Variants in SPOCK3 observed in about 807,000 individuals in gnomAD.
SPOCK3 encodes testican-3.
In SPOCK3, 30 loss-of-function variants were observed where a neutral mutation model predicts 56.6. The ratio of observed to expected loss-of-function variants is 0.53; its 90% CI spans 0.40 to 0.72. The LOEUF is 0.72. Ranked by LOEUF, SPOCK3 falls within the 30% of genes least tolerant of loss-of-function variation. SPOCK3 has a pLI of 0.00. For missense variants in SPOCK3, 527 were observed against 530.0 expected, an observed-to-expected ratio of 0.99 and a Z score of 0.06; for synonymous variants, 196 against 183.3, an observed-to-expected ratio of 1.07 and a Z score of -0.56.
intron 7 of SPOCK3, among the ~76,000 whole-genome samples, chr4:166,767,453 AGTCATTC>A (rs1299896186): frequency 1.3e-5 from 2 of 152,254 alleles, no homozygotes; most frequent in Non-Finnish European, 2.9e-5. Context: ...TGTACCCAGT[AGTCATTC>A]AGGAGCAGGT....
chr4:166,862,777 A>G (rs1280540946), intron 6 of SPOCK3, among the ~76,000 whole-genome samples: 2 of 152,086 alleles, frequency 1.3e-5, no homozygotes, highest in Non-Finnish European at 2.9e-5. Context: ...TTCAACAAGC[A>G]TTTACTATTT....
chr4:166,966,960 C>T (rs1158808962), intron 4 of SPOCK3, among the ~76,000 whole-genome samples: 1 of 152,068 alleles, frequency 6.6e-6, no homozygotes, highest in Non-Finnish European at 1.5e-5. Context: ...CATTGAAACT[C>T]TTATACCTAC....
chr4:167,076,996 G>T (rs770056177), intron 2 of SPOCK3, among the ~76,000 whole-genome samples: 2 of 151,850 alleles, frequency 1.3e-5, no homozygotes, highest in Admixed American at 6.6e-5. Flanking sequence ...TGAGACTTAT[G>T]TGTAAAACTA....
intron 4 of SPOCK3, among the ~76,000 whole-genome samples, chr4:166,949,521 G>T (rs1186968795): frequency 6.6e-6 from 1 of 152,102 alleles, no homozygotes; most frequent in Admixed American, 6.5e-5. Flanking sequence ...GGTTTTTAGT[G>T]TGGATGTCCT....
At chr4:167,134,338 T>C (rs896486416) in intron 2 of SPOCK3, among the ~76,000 whole-genome samples, 1 of 152,028 alleles carries the variant, frequency 6.6e-6, no homozygotes, top group Non-Finnish European at 1.5e-5. Context: ...TGGCGCTTGA[T>C]GACTTGTACA....
intron 4 of SPOCK3, among the ~76,000 whole-genome samples, chr4:166,965,658 C>T (rs1367673663): frequency 6.6e-6 from 1 of 151,782 alleles, no homozygotes; most frequent in Non-Finnish European, 1.5e-5. Context: ...AAAATTATTG[C>T]CATTAATCAA....
intron 7 of SPOCK3, among the ~76,000 whole-genome samples, chr4:166,770,870 AATT>A (rs1738847000): frequency 6.6e-6 from 1 of 151,990 alleles, no homozygotes; most frequent in African/African-American, 2.4e-5. Flanking sequence ...ACGTAAGACA[AATT>A]AGACACCAGA....
chr4:167,064,143 GT>G (rs1209501004), intron 2 of SPOCK3, among the ~76,000 whole-genome samples: 3 of 151,690 alleles, frequency 2.0e-5, no homozygotes, highest in African/African-American at 7.2e-5. Flanking sequence ...AGTTTCAGAA[GT>G]TTTTTTAATG....
At chr4:166,780,571 C>G (rs1484416431) in intron 7 of SPOCK3, among the ~76,000 whole-genome samples, 1 of 152,036 alleles carries the variant, frequency 6.6e-6, no homozygotes, top group Non-Finnish European at 1.5e-5. Context: ...CTGTCACTCT[C>G]TAGATATAGG....
rs769542994 is a variant in SPOCK3 at position 166,912,686 on chromosome 4, G to A, written c.408C>T (p.Cys136=). 13 of 1,613,378 alleles carry A rather than the reference G, an allele frequency of 8.1e-6. No individual in the cohort carries two copies. The East Asian group carries it at 2.7e-4, about 33-fold the overall frequency. ...RQWRGPILST[C]KQCPVVYPSP... is the part of the protein sequence containing the mutation. ...TGGGATAGACCACTGGGCACTGCTT[G>A]CAGGTGGATAATATGGGACCCCTCC... The change falls in exon 5 of 11, where the codon TGC becomes TGT. Residue 136 remains cysteine (C), a synonymous_variant. Coordinates refer to ENST00000357545, the MANE Select transcript of SPOCK3 (RefSeq NM_001040159.2).
At chr4:166,924,488 G>A (rs1016761018) in intron 4 of SPOCK3, among the ~76,000 whole-genome samples, 3 of 152,082 alleles carry the variant, frequency 2.0e-5, no homozygotes, top group African/African-American at 4.8e-5. Context: ...TTTAATCTAC[G>A]AACTCATGCT....
rs35966501 is a variant in SPOCK3, at chr4:167,014,276, GTT to G, written c.236-13815_236-13814del. Among the ~76,000 whole-genome samples, 1,251 of 138,880 alleles carry G rather than the reference GTT, an allele frequency of 9.0e-3. 5 individuals are homozygous for G. The highest frequency in any genetic ancestry group is 0.015 in the African/African-American group (564 of 38,642). 91.1% of individuals were successfully genotyped at this position (138,880 alleles called of 152,430 possible). On this transcript the variant is annotated intron_variant, in intron 3 of 10. Transcript: ENST00000357545. ...ATAAATTCTACTTTTTCTTGAGTGGGTTTTTTTTTTTTTGTCTATTTTAAGGT... is the reference window on the plus strand; with the variant it reads ...ATAAATTCTACTTTTTCTTGAGTGGGTTTTTTTTTTTGTCTATTTTAAGGT...
intron 6 of SPOCK3, among the ~76,000 whole-genome samples, chr4:166,841,383 G>C: frequency 6.6e-6 from 1 of 152,046 alleles, no homozygotes; most frequent in East Asian, 1.9e-4. Flanking sequence ...ATTTCACATA[G>C]ACTTATAGAA....
intron 6 of SPOCK3, among the ~76,000 whole-genome samples, chr4:166,844,970 T>A (rs1485893517): frequency 6.6e-6 from 1 of 152,240 alleles, no homozygotes; most frequent in African/African-American, 2.4e-5. Flanking sequence ...GATATTTGGA[T>A]TGCTGAGGCA....
At chr4:166,754,751 T>C in intron 7 of SPOCK3, 22 bp from the exon 8 acceptor site, 1 of 1,611,526 alleles carries the variant, frequency 6.2e-7, no homozygotes. Context: ...AAAAAGAAAA[T>C]GATTAGTTAA....
chr4:166,821,296 G>T (rs1257680221), intron 6 of SPOCK3, among the ~76,000 whole-genome samples: 2 of 152,018 alleles, frequency 1.3e-5, no homozygotes, highest in African/African-American at 4.8e-5. Flanking sequence ...TTGTTACGGA[G>T]CATACAAAGT....
At chr4:166,798,604 C>A (rs1033135427) in intron 6 of SPOCK3, among the ~76,000 whole-genome samples, 2 of 152,050 alleles carry the variant, frequency 1.3e-5, no homozygotes, top group East Asian at 3.9e-4. Context: ...ATATCAGATA[C>A]GGAGAAACTT....
chr4:167,059,853 C>G (rs1438307869), intron 3 of SPOCK3, among the ~76,000 whole-genome samples: 3 of 151,976 alleles, frequency 2.0e-5, no homozygotes, highest in South Asian at 2.1e-4. Flanking sequence ...TCCTTTATAG[C>G]GACATGGATG....
Position 167,028,374 on chromosome 4 carries a change from A to AAAC in SPOCK3, c.236-27914_236-27912dup, listed in dbSNP as rs534517585. ...CCTGTGTGACAGAGTGAAACCGGTA[A>AAAC]AACAACAACAACAACAACAACAACA... is the stretch of plus-strand genomic sequence containing the variant. On this transcript the variant is annotated intron_variant, in intron 3 of 10. Transcript: ENST00000357545. Among the ~76,000 whole-genome samples, 580 of 139,228 alleles carry AAAC rather than the reference A, an allele frequency of 4.2e-3. 1 individual carries two copies. Among genetic ancestry groups the AAAC allele is most frequent in the South Asian group, 0.015 (69 of 4,456 alleles). The allele number at this position is 139,228 out of a possible 152,430, so 91.3% of individuals were successfully genotyped here. A position where few individuals can be genotyped will look rare whatever the true frequency, so the allele number is the denominator to read the frequency against.
Sources: gnomAD v4.1 joint callset for allele counts (sites outside exome capture counted in the v4.1 genomes callset) on GRCh38, gnomAD v4.1.1 for gene constraint, MANE v1.5 for transcripts, NCBI Gene and HGNC (gene_info 2026-07-23, HGNC 2026-07-21) for gene names.